Variants in TRAK1 observed in about 807,000 individuals in gnomAD.
The protein encoded by TRAK1 is trafficking kinesin protein 1.
A neutral mutation model predicts 92.1 loss-of-function variants in TRAK1; 33 were observed. The observed-to-expected ratio is 0.36, with a 90% CI of 0.27 to 0.48. The LOEUF (loss-of-function observed/expected upper bound fraction) is 0.48. TRAK1 is among the 20% of genes least tolerant of loss of function. TRAK1 has a pLI of 0.99. For missense variants in TRAK1, 1,123 were observed against 1,257.9 expected, an observed-to-expected ratio of 0.89 and a Z score of 1.62; for synonymous variants, 521 against 517.3, an observed-to-expected ratio of 1.01 and a Z score of -0.10.
chr3:42,210,688 A>G, intron 14 of TRAK1: 1 of 990,058 alleles, frequency 1.0e-6, no homozygotes, highest in Non-Finnish European at 1.2e-6. Flanking sequence ...GGAGGTATAT[A>G]TGTCATTTTC....
intron 2 of TRAK1, among the ~76,000 whole-genome samples, chr3:42,135,654 G>A (rs1697862368): frequency 1.3e-5 from 2 of 152,342 alleles, no homozygotes; most frequent in South Asian, 4.1e-4. Flanking sequence ...TGTTTGTGTG[G>A]AATTGGACTG....
chr3:42,177,683 G>C (rs1703397073), intron 3 of TRAK1, among the ~76,000 whole-genome samples: 1 of 152,180 alleles, frequency 6.6e-6, no homozygotes, highest in South Asian at 2.1e-4. Context: ...CCAGTGGGAG[G>C]TCAGGGTTGA....
chr3:42,150,024 A>T (rs1699781719), intron 2 of TRAK1, among the ~76,000 whole-genome samples: 1 of 144,750 alleles, frequency 6.9e-6, no homozygotes, highest in Non-Finnish European at 1.5e-5. Context: ...GGCTTCCTGG[A>T]CTGTCAGCAG....
intron 1 of TRAK1, among the ~76,000 whole-genome samples, chr3:42,015,850 A>G (rs931715694): frequency 1.3e-5 from 2 of 152,204 alleles, no homozygotes; most frequent in African/African-American, 2.4e-5. Context: ...CAGCCTGGCC[A>G]ACATGGTGAA....
At chr3:42,126,828 T>A (rs539384944) in intron 2 of TRAK1, among the ~76,000 whole-genome samples, 1 of 152,340 alleles carries the variant, frequency 6.6e-6, no homozygotes, top group East Asian at 1.9e-4. Context: ...TTAGGGTGTA[T>A]CTAGGGATGT....
At chr3:42,167,547 A>G (rs544931714) in intron 2 of TRAK1, among the ~76,000 whole-genome samples, 48 of 152,322 alleles carry the variant, frequency 3.2e-4, no homozygotes, top group African/African-American at 1.0e-3. Context: ...GGCCACTTCA[A>G]AGTCTTCATC....
rs1318135251 is a variant in TRAK1 at position 42,188,099 on chromosome 3, A to G, written c.535A>G (p.Thr179Ala). ...GAAGGATGAGCTGCTTCAGTTCTACACCAGCGCTGCGGAGGAGAGTGAGCC... is the reference window on the plus strand; with the variant it reads ...GAAGGATGAGCTGCTTCAGTTCTACGCCAGCGCTGCGGAGGAGAGTGAGCC... ...SMKDELLQFY[T>A]SAAEESEPES... Residue 179 changes from threonine (T) to alanine (A), a missense_variant, in exon 5 of 16, where the codon ACC becomes GCC. This residue lies in a region of TRAK1 where 686 missense variants were observed against 747.6 expected (regional missense o/e 0.92). Transcript: ENST00000327628. 1 of 1,614,082 alleles carries G rather than the reference A, an allele frequency of 6.2e-7. No individual in the cohort carries two copies. The highest frequency in any genetic ancestry group is 8.5e-7 in the Non-Finnish European group (1 of 1,180,026).
In TRAK1 at chr3:42,211,413, A is replaced by G. The variant is rs188251984; in HGVS notation, c.1963+1428A>G. On this transcript the variant is annotated intron_variant, in intron 14 of 15. Coordinates refer to ENST00000327628, the MANE Select transcript of TRAK1 (RefSeq NM_001042646.3). ...ATTACTAGATTAAGCTTGTGAGGGAATGAAAATGTTTTTTATTTGTTATCT... is the reference window on the plus strand; with the variant it reads ...ATTACTAGATTAAGCTTGTGAGGGAGTGAAAATGTTTTTTATTTGTTATCT... 1.3e-4 allele frequency: 130 copies of G among 985,320 alleles called. 1 individual carries two copies. The East Asian group carries it at 8.5e-3, about 64-fold the overall frequency. 61.0% of individuals were successfully genotyped at this position (985,320 alleles called of 1,614,324 possible).
chr3:42,080,703 AT>A (rs149793062), intron 1 of TRAK1, among the ~76,000 whole-genome samples: 4,148 of 152,218 alleles, frequency 0.027, 217 homozygotes, highest in African/African-American at 0.095. Flanking sequence ...TTGGGGAAAG[AT>A]TGTCACCTTT....
Position 42,217,627 on chromosome 3 carries a change from GA to G in TRAK1, c.1964-1866del. 6.1e-6 allele frequency: 6 copies of G among 985,378 alleles called. No homozygotes were observed. In the South Asian group the frequency reaches 2.8e-4, roughly 46 times the overall value. The allele number at this position is 985,378 out of a possible 1,614,324, so 61.0% of individuals were successfully genotyped here. A position where few individuals can be genotyped will look rare whatever the true frequency, so the allele number is the denominator to read the frequency against. On this transcript the variant is annotated intron_variant, in intron 14 of 15. Coordinates refer to ENST00000327628, the MANE Select transcript of TRAK1 (RefSeq NM_001042646.3). ...TATGTTTAAATGGGGGTATGCTTCTGATTTTAAATCCAGCCTTCCCTTGTTT... is the reference window on the plus strand; with the variant it reads ...TATGTTTAAATGGGGGTATGCTTCTGTTTTAAATCCAGCCTTCCCTTGTTT...
chr3:42,043,979 G>A (rs189742650), intron 1 of TRAK1, among the ~76,000 whole-genome samples: 176 of 152,258 alleles, frequency 1.2e-3, no homozygotes, highest in African/African-American at 4.1e-3. Context: ...TTGAAAATGG[G>A]AACTCATGTG....
At position 42,223,703 on chromosome 3, in the gene TRAK1, G is replaced by C; in HGVS notation, c.2828G>C (p.Gly943Ala). Residue 943 changes from glycine to alanine, a missense_variant, in exon 16 of 16, where the codon GGT (glycine) becomes GCT (alanine). By Grantham distance (60) the Gly-to-Ala change is moderately conservative. This residue lies in a region of TRAK1 where 401 missense variants were observed against 438.9 expected (regional missense o/e 0.91). Transcript: ENST00000327628. This position sits in a 1 kb window ranked among gnomAD's most constrained non-coding sequence, Gnocchi z 6.1. The part of the protein sequence containing the change: ...PVTLTSGILM[G>A]AKLSKQTSLR ...ACTCTCACCTCGGGCATCTTGATGG[G>C]TGCTAAGCTCTCCAAACAAACTAGC... The C allele has an allele frequency of 1.2e-6, 2 of 1,609,298 alleles. No homozygotes were observed. Among genetic ancestry groups the C allele is most frequent in the South Asian group, 2.2e-5 (2 of 90,992 alleles).
chr3:42,116,013 G>C (rs770544597), intron 1 of TRAK1, among the ~76,000 whole-genome samples: 3 of 152,240 alleles, frequency 2.0e-5, no homozygotes, highest in Admixed American at 6.5e-5. Flanking sequence ...CTGCTGGCTT[G>C]TGAGAGTAAA....
chr3:42,188,496 G>A lies in TRAK1; in HGVS notation c.581+351G>A, dbSNP rs78693358. Among the ~76,000 whole-genome samples the A allele has an allele frequency of 3.7e-3, 569 of 152,326 alleles. 5 individuals carry two copies. Among genetic ancestry groups the A allele is most frequent in the African/African-American group, 0.013 (549 of 41,588 alleles). ...GTGGCAGGTCCTTGGGACAGAAGGC[G>A]TGGTGTCTTCTCTGAGAGTCAGCAG... On this transcript the variant is annotated intron_variant, in intron 5 of 15. Coordinates refer to ENST00000327628, the MANE Select transcript of TRAK1 (RefSeq NM_001042646.3).
At chr3:42,112,620 A>G (rs973758873) in intron 1 of TRAK1, among the ~76,000 whole-genome samples, 1 of 150,570 alleles carries the variant, frequency 6.6e-6, no homozygotes, top group Admixed American at 6.6e-5. Context: ...CTGTAATCCC[A>G]GCTACTTGGG....
At chr3:42,060,827 C>A (rs1171543331) in intron 1 of TRAK1, among the ~76,000 whole-genome samples, 2 of 152,010 alleles carry the variant, frequency 1.3e-5, no homozygotes, top group East Asian at 3.9e-4. Context: ...AACGGAGTTT[C>A]GCCATGTTGG....
intron 1 of TRAK1, among the ~76,000 whole-genome samples, chr3:42,092,420 C>T (rs1705193719): frequency 6.6e-6 from 1 of 152,204 alleles, no homozygotes; most frequent in Non-Finnish European, 1.5e-5. Context: ...TTCAAACATG[C>T]ATCTTACTGA....
chr3:42,119,907 T>C (rs1698175038), intron 1 of TRAK1, among the ~76,000 whole-genome samples: 2 of 152,146 alleles, frequency 1.3e-5, no homozygotes, highest in African/African-American at 4.8e-5. Context: ...AAGCACTTTA[T>C]AGGGAGCTGG....
chr3:42,153,632 C>G (rs536829458), intron 2 of TRAK1, among the ~76,000 whole-genome samples: 42 of 152,318 alleles, frequency 2.8e-4, no homozygotes, highest in African/African-American at 1.0e-3. Flanking sequence ...GCTTCTTACT[C>G]TATAATGAAG....
Sources: allele counts gnomAD v4.1 joint callset (sites outside exome capture counted in the v4.1 genomes callset), GRCh38; gene constraint gnomAD v4.1.1; regional missense constraint gnomAD v4.1.1; non-coding constraint Gnocchi (gnomAD v3.1); transcripts MANE v1.5; gene names NCBI Gene and HGNC (gene_info 2026-07-23, HGNC 2026-07-21).